ERC1: variants seen among roughly 807,000 people sequenced by gnomAD.
ERC1 encodes the protein ELKS/RAB6-interacting/CAST family member 1.
ERC1 carries 56 observed loss-of-function variants against 132.0 expected under a neutral mutation model. That is an observed-to-expected ratio of 0.42 (90% confidence interval 0.34 to 0.53). The LOEUF (loss-of-function observed/expected upper bound fraction) is 0.53. Ranked by LOEUF, ERC1 falls within the 20% of genes least tolerant of loss-of-function variation. The pLI is 0.03. For missense variants in ERC1, 1,202 were observed against 1,349.9 expected, an observed-to-expected ratio of 0.89 and a Z score of 1.72; for synonymous variants, 478 against 476.1, an observed-to-expected ratio of 1.00 and a Z score of -0.05.
chr12:1,316,035 C>T (rs895314354), intron 15 of ERC1, among the ~76,000 whole-genome samples: 1 of 152,076 alleles, frequency 6.6e-6, no homozygotes, highest in African/African-American at 2.4e-5. Flanking sequence ...ACTACAGGTG[C>T]ATGCCATCAC....
chr12:1,314,968 C>A (rs1566566368), intron 15 of ERC1, among the ~76,000 whole-genome samples: 2 of 152,152 alleles, frequency 1.3e-5, no homozygotes, highest in Non-Finnish European at 2.9e-5. Flanking sequence ...ATGAAACTTG[C>A]CAAATGGTCT....
At chr12:1,468,322 G>A (rs1187775874) in intron 18 of ERC1, among the ~76,000 whole-genome samples, 1 of 152,098 alleles carries the variant, frequency 6.6e-6, no homozygotes, top group African/African-American at 2.4e-5. Flanking sequence ...GCCTGCAGGG[G>A]CCAGGTGCAG....
chr12:1,031,126 G>A (rs558967563), intron 2 of ERC1, among the ~76,000 whole-genome samples: 1 of 152,202 alleles, frequency 6.6e-6, no homozygotes, highest in African/African-American at 2.4e-5. Context: ...ATTACATTTT[G>A]TATGTTAAAG....
chr12:1,014,051 T>TA (rs1300898059), intron 1 of ERC1, among the ~76,000 whole-genome samples: 2 of 152,080 alleles, frequency 1.3e-5, no homozygotes, highest in African/African-American at 4.8e-5. Context: ...TCCTGCTACT[T>TA]ACAGAGATAT....
chr12:1,361,399 A>C (rs2086106998), intron 15 of ERC1, among the ~76,000 whole-genome samples: 1 of 152,064 alleles, frequency 6.6e-6, no homozygotes, highest in South Asian at 2.1e-4. Flanking sequence ...CCTAAAACTT[A>C]AAGTATAATA....
At chr12:1,341,082 T>C (rs1474447801) in intron 15 of ERC1, among the ~76,000 whole-genome samples, 1 of 17,182 alleles carries the variant, frequency 5.8e-5, no homozygotes, top group African/African-American at 2.2e-4. Context: ...TTTTTTTTTT[T>C]TTTTTTTTTT....
chr12:1,488,956 T>A (rs978035474), intron 18 of ERC1, among the ~76,000 whole-genome samples: 1 of 152,148 alleles, frequency 6.6e-6, no homozygotes, highest in Non-Finnish European at 1.5e-5. Flanking sequence ...GACTCTTCCT[T>A]CTGCTCAGTC....
intron 2 of ERC1, among the ~76,000 whole-genome samples, chr12:1,043,448 T>C (rs1249158955): frequency 1.3e-5 from 2 of 152,192 alleles, no homozygotes; most frequent in Non-Finnish European, 2.9e-5. Context: ...AAGATACTTA[T>C]TTTAAAGGGA....
chr12:1,037,183 A>C (rs987038021), intron 2 of ERC1, among the ~76,000 whole-genome samples: 2 of 152,250 alleles, frequency 1.3e-5, no homozygotes, highest in Admixed American at 1.3e-4. Context: ...TGAAGAAATA[A>C]GGGCAGAGTT....
intron 13 of ERC1, chr12:1,244,763 C>T: frequency 3.5e-6 from 1 of 285,184 alleles, no homozygotes; most frequent in Non-Finnish European, 7.1e-6. Flanking sequence ...ATGTGATCTG[C>T]CTGCCTCGGC....
At chr12:1,478,364 G>C (rs898931130) in intron 18 of ERC1, among the ~76,000 whole-genome samples, 4 of 152,164 alleles carry the variant, frequency 2.6e-5, no homozygotes, top group Non-Finnish European at 5.9e-5. Context: ...GGTCATTCAA[G>C]TGTCTTGCCT....
chr12:1,480,834 T>A, intron 18 of ERC1: 1 of 702,476 alleles, frequency 1.4e-6, no homozygotes, highest in Non-Finnish European at 2.6e-6. Flanking sequence ...TTTCCCAACT[T>A]ATCCACAGAA....
At chr12:1,256,290 T>C (rs553028943) in intron 13 of ERC1, among the ~76,000 whole-genome samples, 1 of 149,448 alleles carries the variant, frequency 6.7e-6, no homozygotes, top group Non-Finnish European at 1.5e-5. Flanking sequence ...TTTTTTTTTT[T>C]ATAACTTTTT....
intron 2 of ERC1, among the ~76,000 whole-genome samples, chr12:1,048,567 A>C (rs1425311033): frequency 6.6e-6 from 1 of 152,210 alleles, no homozygotes; most frequent in Non-Finnish European, 1.5e-5. Flanking sequence ...CTTTGTGCCA[A>C]GTGTTCATTT....
intron 15 of ERC1, among the ~76,000 whole-genome samples, chr12:1,325,987 G>C (rs1258922469): frequency 6.6e-6 from 1 of 152,094 alleles, no homozygotes; most frequent in Non-Finnish European, 1.5e-5. Flanking sequence ...TATGATTGTG[G>C]TATGAAACTG....
At chr12:1,054,737 C>T (rs78032745) in intron 2 of ERC1, among the ~76,000 whole-genome samples, 1 of 152,122 alleles carries the variant, frequency 6.6e-6, no homozygotes, top group African/African-American at 2.4e-5. Flanking sequence ...TCTGTCAATA[C>T]ATATTTATTG....
At chr12:1,467,029 A>G (rs41331755) in intron 18 of ERC1, among the ~76,000 whole-genome samples, 1,791 of 152,354 alleles carry the variant, frequency 0.012, 25 homozygotes, top group African/African-American at 0.039. Context: ...GTAAAGTGCA[A>G]TGATGCTTAA....
At chr12:1,058,192 A>G (rs1055110161) in intron 2 of ERC1, among the ~76,000 whole-genome samples, 4 of 152,076 alleles carry the variant, frequency 2.6e-5, no homozygotes, top group Non-Finnish European at 5.9e-5. Flanking sequence ...TAAGTTTGTT[A>G]TAGTCCCATT....
chr12:1,402,545 AAAAG>A lies in ERC1; in HGVS notation c.2926-5597_2926-5594del, dbSNP rs149834497. 4.4e-3 allele frequency among the ~76,000 whole-genome samples: 665 copies of A among 152,114 alleles called. 9 individuals are homozygous for A. The highest frequency in any genetic ancestry group is 0.015 in the African/African-American group (627 of 41,480). On this transcript the variant is annotated intron_variant, in intron 16 of 18. Transcript: ENST00000360905. ...CTCAAAAAAAAGAAAGAGAAAGAAA[AAAAG>A]AAAGAACAGTAATGAGCTAAGCATC... is the stretch of plus-strand genomic sequence containing the variant.
Sources: gnomAD v4.1 joint callset for allele counts (sites outside exome capture counted in the v4.1 genomes callset) on GRCh38, gnomAD v4.1.1 for gene constraint, MANE v1.5 for transcripts, NCBI Gene and HGNC (gene_info 2026-07-23, HGNC 2026-07-21) for gene names.